The following GALR1 variants were observed in gnomAD, a reference collection of about 807,000 sequenced individuals.
GALR1 encodes the protein galanin receptor type 1.
In GALR1, 11 loss-of-function variants were observed where a neutral mutation model predicts 17.9. The observed-to-expected ratio is 0.62, with a 90% CI of 0.39 to 1.02. The LOEUF (loss-of-function observed/expected upper bound fraction) is 1.02. Among genes scored for constraint, GALR1 ranks in the 50% least tolerant of loss-of-function variants. The pLI, the probability that GALR1 is intolerant of heterozygous loss-of-function variation, is 0.01. For synonymous variants in GALR1, 206 were observed against 205.7 expected, an observed-to-expected ratio of 1.00 and a Z score of -0.01; for missense variants, 441 against 456.9, an observed-to-expected ratio of 0.97 and a Z score of 0.32.
Position 77,269,888 on chromosome 18 carries a change from T to A in GALR1, c.*986T>A, listed in dbSNP as rs1913026663. 1 of 152,202 alleles carries A rather than the reference T, an allele frequency of 6.6e-6. No homozygotes were observed. Among genetic ancestry groups the A allele is most frequent in the Non-Finnish European group, 1.5e-5 (1 of 68,030 alleles). 9.4% of individuals were successfully genotyped at this position (152,202 alleles called of 1,614,324 possible). ...AAGCATATTTCATGTTTGATTTAGA[T>A]GACATTCAAAAAAAATCATGGGACT... On this transcript the variant is annotated 3_prime_UTR_variant, in exon 3 of 3. Coordinates refer to ENST00000299727, the MANE Select transcript of GALR1 (RefSeq NM_001480.4).
rs114929590 is a variant in GALR1 at position 77,271,586 on chromosome 18, G to C, written c.*2684G>C. ...CCAATTCTGAAGCACCTTCTTTTCC[G>C]TCACTAAATAAAGACAGCTTCCCAA... On this transcript the variant is annotated 3_prime_UTR_variant, in exon 3 of 3. Transcript: ENST00000299727. 2 of 152,062 alleles carry C rather than the reference G, an allele frequency of 1.3e-5. No homozygotes were observed. 9.4% of individuals were successfully genotyped at this position (152,062 alleles called of 1,614,324 possible).
chr18:77,262,354 G>A (rs369338298), intron 2 of GALR1, among the ~76,000 whole-genome samples: 5 of 152,180 alleles, frequency 3.3e-5, no homozygotes, highest in African/African-American at 7.2e-5. Flanking sequence ...GGCATATATC[G>A]TTTCCCGAGT....
intron 1 of GALR1, among the ~76,000 whole-genome samples, chr18:77,252,854 A>ACACCACCAC (rs1217118933): frequency 3.8e-5 from 2 of 52,590 alleles, no homozygotes; most frequent in Admixed American, 2.2e-4. Context: ...CTGTCTCAAA[A>ACACCACCAC]CACCACCACC....
Position 77,276,921 on chromosome 18 carries a change from C to CA in GALR1, c.*8026dup, listed in dbSNP as rs1275073611. On this transcript the variant is annotated 3_prime_UTR_variant, in exon 3 of 3. Coordinates refer to ENST00000299727, the MANE Select transcript of GALR1 (RefSeq NM_001480.4). Reference sequence around the variant, plus strand: ...TCAGAGATTGTTATAATTTTTGCCTCAAAAAAATAAAATAAAATAGCTTGG... The same window carrying CA: ...TCAGAGATTGTTATAATTTTTGCCTCAAAAAAAATAAAATAAAATAGCTTGG... The CA allele has an allele frequency of 6.6e-6, 1 of 151,836 alleles. No individual in the cohort carries two copies. Among genetic ancestry groups the CA allele is most frequent in the African/African-American group, 2.4e-5 (1 of 41,332 alleles). The allele number at this position is 151,836 out of a possible 1,614,324, so 9.4% of individuals were successfully genotyped here.
At position 77,269,660 on chromosome 18, in the gene GALR1, C is replaced by G. The variant is rs1913021475; in HGVS notation, c.*758C>G. 1.3e-5 allele frequency: 2 copies of G among 152,078 alleles called. No homozygotes were observed. Among genetic ancestry groups the G allele is most frequent in the Non-Finnish European group, 2.9e-5 (2 of 68,032 alleles). 9.4% of individuals were successfully genotyped at this position (152,078 alleles called of 1,614,324 possible). A position where few individuals can be genotyped will look rare whatever the true frequency, so the allele number is the denominator to read the frequency against. On this transcript the variant is annotated 3_prime_UTR_variant, in exon 3 of 3. Transcript: ENST00000299727. The stretch of plus-strand genomic sequence containing the variant: ...ACCACTGTCTTAACAGTGGAAGATG[C>G]AAATAAGTTTTTGAGAATAAAACTG...
rs1568139292 is a variant in GALR1, at chr18:77,253,031, CCAT to C, written c.666+1820_666+1822del. ...ACCACCACCACCACCACCATCACCA[CCAT>C]CACCACCACCACCACCACCACCAAT... On this transcript the variant is annotated intron_variant, in intron 1 of 2. Coordinates refer to ENST00000299727, the MANE Select transcript of GALR1 (RefSeq NM_001480.4). Among the ~76,000 whole-genome samples, 311 of 124,606 alleles carry C rather than the reference CCAT, an allele frequency of 2.5e-3. 6 individuals are homozygous for C. Among genetic ancestry groups the C allele is most frequent in the African/African-American group, 9.1e-3 (291 of 32,114 alleles). 81.7% of individuals were successfully genotyped at this position (124,606 alleles called of 152,430 possible). A position where few individuals can be genotyped will look rare whatever the true frequency, so the allele number is the denominator to read the frequency against.
At position 77,250,991 on chromosome 18, in the gene GALR1, T is replaced by A; in HGVS notation, c.443T>A (p.Val148Glu). The stretch of plus-strand genomic sequence containing the variant: ...TCGCGGCGCTCCTCCTCCCTCAGGG[T>A]GTCCCGCAACGCGCTGCTGGGCGTG... The part of the protein sequence containing the change: ...VHSRRSSSLR[V>E]SRNALLGVGC... The change falls in exon 1 of 3, where the codon GTG (valine) becomes GAG (glutamate). Residue 148 changes from valine (V) to glutamate (E), a missense_variant. Transcript: ENST00000299727. 1 of 1,604,442 alleles carries A rather than the reference T, an allele frequency of 6.2e-7. No individual in the cohort carries two copies. Among genetic ancestry groups the A allele is most frequent in the Non-Finnish European group, 8.5e-7 (1 of 1,179,888 alleles).
chr18:77,271,249 C>T lies in GALR1; in HGVS notation c.*2347C>T, dbSNP rs116432688. 4.8e-5 allele frequency: 5 copies of T among 104,564 alleles called. No individual in the cohort carries two copies. The highest frequency in any genetic ancestry group is 7.8e-5 in the African/African-American group (2 of 25,806). The allele number at this position is 104,564 out of a possible 1,614,324, so 6.5% of individuals were successfully genotyped here. A position where few individuals can be genotyped will look rare whatever the true frequency, so the allele number is the denominator to read the frequency against. On this transcript the variant is annotated 3_prime_UTR_variant, in exon 3 of 3. Transcript: ENST00000299727. ...AAAGTAATAGCTTGCGCTTGAAACCCCCCCCCCCCCGCCACTTTGCTAAAT... is the reference window on the plus strand; with the variant it reads ...AAAGTAATAGCTTGCGCTTGAAACCTCCCCCCCCCCGCCACTTTGCTAAAT...
In GALR1 at chr18:77,250,725, G is replaced by A; in HGVS notation, c.177G>A (p.Ala59=). The A allele has an allele frequency of 1.2e-6, 2 of 1,613,756 alleles. No individual in the cohort carries two copies. The highest frequency in any genetic ancestry group is 1.7e-6 in the Non-Finnish European group (2 of 1,179,970). The part of the protein sequence containing the change: ...LGNSLVITVL[A]RSKPGKPRST... ...ACAGCCTAGTGATCACCGTGCTGGCGCGCAGCAAGCCGGGCAAGCCGCGGA... is the reference window on the plus strand; with the variant it reads ...ACAGCCTAGTGATCACCGTGCTGGCACGCAGCAAGCCGGGCAAGCCGCGGA... Residue 59 remains alanine, a synonymous_variant, in exon 1 of 3, where the codon GCG becomes GCA. Coordinates refer to ENST00000299727, the MANE Select transcript of GALR1 (RefSeq NM_001480.4).
Position 77,251,125 on chromosome 18 carries a change from G to C in GALR1, c.577G>C (p.Asp193His), listed in dbSNP as rs963404411. The C allele has an allele frequency of 1.9e-6, 3 of 1,612,856 alleles. No individual in the cohort carries two copies. Among genetic ancestry groups the C allele is most frequent in the Middle Eastern group, 1.6e-4 (1 of 6,084 alleles). ...GACCTTCTGCTGGGAGCAGTGGCCCGACCCTCGCCACAAGAAGGCCTACGT... is the reference window on the plus strand; with the variant it reads ...GACCTTCTGCTGGGAGCAGTGGCCCCACCCTCGCCACAAGAAGGCCTACGT... The part of the protein sequence containing the change: ...NQTFCWEQWP[D>H]PRHKKAYVVC... Residue 193 changes from aspartate to histidine, a missense_variant, in exon 1 of 3, where the codon GAC becomes CAC. By Grantham distance (81) the Asp-to-His change is moderately conservative (BLOSUM62 -1). Coordinates refer to ENST00000299727, the MANE Select transcript of GALR1 (RefSeq NM_001480.4).
chr18:77,256,127 C>G, intron 1 of GALR1, 31 bp from the exon 2 acceptor site: 1 of 1,348,474 alleles, frequency 7.4e-7, no homozygotes, highest in Non-Finnish European at 1.1e-6. Flanking sequence ...AGAGGTGAGG[C>G]GAACTGATTT....
Position 77,250,944 on chromosome 18 carries a change from C to T in GALR1, c.396C>T (p.Asp132=). 18 of 1,604,396 alleles carry T rather than the reference C, an allele frequency of 1.1e-5. No individual in the cohort carries two copies. Among genetic ancestry groups the T allele is most frequent in the Non-Finnish European group, 1.4e-5 (17 of 1,179,972 alleles). ...TCACCCTGGCCGCGATGTCCGTGGA[C>T]CGCTACGTGGCCATCGTGCACTCGC... is the stretch of plus-strand genomic sequence containing the variant. The part of the protein sequence containing the change: ...SIFTLAAMSV[D]RYVAIVHSRR... Residue 132 remains aspartate (D), a synonymous_variant, in exon 1 of 3, where the codon GAC becomes GAT. Coordinates refer to ENST00000299727, the MANE Select transcript of GALR1 (RefSeq NM_001480.4).
chr18:77,264,270 AG>A (rs1386389907), intron 2 of GALR1, among the ~76,000 whole-genome samples: 11 of 151,584 alleles, frequency 7.3e-5, no homozygotes, highest in Admixed American at 4.6e-4. Context: ...GGATCACTGT[AG>A]GAAGTCCTAT....
chr18:77,277,248 G>A lies in GALR1; in HGVS notation c.*8346G>A, dbSNP rs1913174634. ...ATTTTAATAAGGTTTGATATGGTTTGGCTCTGTGTCTCCACCCAAATCTCA... is the reference window on the plus strand; with the variant it reads ...ATTTTAATAAGGTTTGATATGGTTTAGCTCTGTGTCTCCACCCAAATCTCA... On this transcript the variant is annotated 3_prime_UTR_variant, in exon 3 of 3. Coordinates refer to ENST00000299727, the MANE Select transcript of GALR1 (RefSeq NM_001480.4). 6.6e-6 allele frequency: 1 copy of A among 152,156 alleles called. No homozygotes were observed. Among genetic ancestry groups the A allele is most frequent in the Non-Finnish European group, 1.5e-5 (1 of 68,022 alleles). The allele number at this position is 152,156 out of a possible 1,614,324, so 9.4% of individuals were successfully genotyped here.
chr18:77,269,158 T>G lies in GALR1; in HGVS notation c.*256T>G. The G allele has an allele frequency of 7.0e-6, 3 of 425,800 alleles. No homozygotes were observed. The highest frequency in any genetic ancestry group is 4.2e-6 in the Non-Finnish European group (1 of 238,780). 26.4% of individuals were successfully genotyped at this position (425,800 alleles called of 1,614,324 possible). ...CAAAAGACAATGCTGTACAGTTTTATTCCTCTTCAGACATGAAAGGGAACA... is the reference window on the plus strand; with the variant it reads ...CAAAAGACAATGCTGTACAGTTTTAGTCCTCTTCAGACATGAAAGGGAACA... On this transcript the variant is annotated 3_prime_UTR_variant, in exon 3 of 3. Transcript: ENST00000299727.
intron 1 of GALR1, among the ~76,000 whole-genome samples, chr18:77,255,480 CT>C (rs540686148): frequency 3.8e-4 from 58 of 152,282 alleles, no homozygotes; most frequent in Admixed American, 2.6e-3. Context: ...AATAAGTTGT[CT>C]GAAAGCACAG....
chr18:77,252,950 T>TCACCACCACCACCACCACCACCAC (rs1912485693), intron 1 of GALR1, among the ~76,000 whole-genome samples: 9 of 25,272 alleles, frequency 3.6e-4, no homozygotes, highest in Non-Finnish European at 5.9e-4. Context: ...ACCACCACCA[T>TCACCACCACCACCACCACCACCAC]CACCACCATC....
intron 1 of GALR1, among the ~76,000 whole-genome samples, chr18:77,255,579 T>G (rs902372618): frequency 6.6e-6 from 1 of 152,124 alleles, no homozygotes; most frequent in Non-Finnish European, 1.5e-5. Context: ...AGGCAGCCCA[T>G]AAGAGGAAGG....
Position 77,250,471 on chromosome 18 carries a change from C to T in GALR1, c.-78C>T, listed in dbSNP as rs546436509. 3.1e-4 allele frequency: 421 copies of T among 1,375,432 alleles called. 1 individual carries two copies. The African/African-American group carries it at 5.7e-3, about 19-fold the overall frequency. The allele number at this position is 1,375,432 out of a possible 1,614,324, so 85.2% of individuals were successfully genotyped here. A position where few individuals can be genotyped will look rare whatever the true frequency, so the allele number is the denominator to read the frequency against. ...ACTCTCCGTGCTTTGCGCCGGGACCCCTGGCCACCCCCGGCGCCTACTATC... is the reference window on the plus strand; with the variant it reads ...ACTCTCCGTGCTTTGCGCCGGGACCTCTGGCCACCCCCGGCGCCTACTATC... On this transcript the variant is annotated 5_prime_UTR_variant, in exon 1 of 3. Coordinates refer to ENST00000299727, the MANE Select transcript of GALR1 (RefSeq NM_001480.4).
Sources: gnomAD v4.1 joint callset for allele counts (sites outside exome capture counted in the v4.1 genomes callset) on GRCh38, gnomAD v4.1.1 for gene constraint, MANE v1.5 for transcripts, NCBI Gene and HGNC (gene_info 2026-07-23, HGNC 2026-07-21) for gene names.